Variants in CCDC3 observed in about 807,000 individuals in gnomAD.
CCDC3 encodes the protein coiled-coil domain-containing protein 3.
In CCDC3, 24 loss-of-function variants were observed where a neutral mutation model predicts 21.4. The ratio of observed to expected loss-of-function variants is 1.12; its 90% confidence interval spans 0.81 to 1.58. CCDC3 has a LOEUF of 1.58. CCDC3 is among the 40% of genes most tolerant of loss of function. The probability of loss-of-function intolerance (pLI) is 0.00; values close to 1 mark genes in which losing one functional copy is unlikely to be tolerated. For synonymous variants in CCDC3, 186 were observed against 166.0 expected (o/e 1.12, Z -0.93); for missense variants, 425 against 360.9 (o/e 1.18, Z -1.44).
intron 3 of CCDC3, among the ~76,000 whole-genome samples, chr10:13,081,840 G>A (rs901119975): frequency 1.1e-4 from 17 of 152,248 alleles, no homozygotes; most frequent in African/African-American, 4.1e-4. Flanking sequence ...ACGCTTGTGT[G>A]CGTGGTAGGC....
chr10:12,986,004 T>C (rs1036626015), intron 2 of CCDC3, among the ~76,000 whole-genome samples: 31 of 152,286 alleles, frequency 2.0e-4, no homozygotes, highest in Middle Eastern at 3.4e-3. Flanking sequence ...GTCTCCTGAG[T>C]AGCTGGGACT....
At chr10:12,921,847 A>G (rs74981563) in intron 2 of CCDC3, among the ~76,000 whole-genome samples, 8,009 of 152,130 alleles carry the variant, frequency 0.053, 235 homozygotes, top group Non-Finnish European at 0.071. Context: ...GGCTCAAGTG[A>G]TCCTCCTGCC....
chr10:12,977,890 C>A (rs985741187), intron 2 of CCDC3, among the ~76,000 whole-genome samples: 4 of 152,186 alleles, frequency 2.6e-5, no homozygotes, highest in Admixed American at 2.0e-4. Context: ...GTTGAATCTT[C>A]CTCCAGAACA....
intron 2 of CCDC3, among the ~76,000 whole-genome samples, chr10:12,953,332 C>T (rs1485186424): frequency 2.0e-5 from 3 of 152,326 alleles, no homozygotes; most frequent in South Asian, 2.1e-4. Flanking sequence ...TCTCACAACA[C>T]ACGGGAATTC....
At chr10:13,075,610 G>C (rs930483064) in intron 3 of CCDC3, among the ~76,000 whole-genome samples, 1 of 152,160 alleles carries the variant, frequency 6.6e-6, no homozygotes, top group Non-Finnish European at 1.5e-5. Flanking sequence ...GTGGGGAGGG[G>C]AGACAAGAAG....
chr10:12,961,415 T>C (rs1463166942), intron 2 of CCDC3, among the ~76,000 whole-genome samples: 1 of 152,106 alleles, frequency 6.6e-6, no homozygotes, highest in African/African-American at 2.4e-5. Context: ...CAAATAATAA[T>C]GGGATCCAAA....
intron 5 of CCDC3, among the ~76,000 whole-genome samples, chr10:13,028,974 T>C (rs1441261385): frequency 6.6e-6 from 1 of 152,160 alleles, no homozygotes; most frequent in Non-Finnish European, 1.5e-5. Context: ...AGCAGATGCT[T>C]ATTTGATCAG....
In CCDC3 at chr10:13,008,973, G is replaced by GA. The variant is rs561159119; in HGVS notation, c.-1-10462dup. On this transcript the variant is annotated intron_variant, in intron 5 of 6. Transcript: ENST00000378839. ...AATAAAATAAAAAGCATCCAGATTG[G>GA]AAAAAAAGATGTAAAATTCTATTTA... Among the ~76,000 whole-genome samples the GA allele has an allele frequency of 1.7e-3, 256 of 151,954 alleles. 2 individuals are homozygous for GA. The highest frequency in any genetic ancestry group is 6.0e-3 in the African/African-American group (249 of 41,472).
Position 12,972,680 on chromosome 10 carries a change from G to A in CCDC3, c.549+25658C>T, listed in dbSNP as rs150111866. Among the ~76,000 whole-genome samples the A allele has an allele frequency of 5.2e-4, 79 of 152,206 alleles. 1 individual carries two copies. The East Asian group carries it at 9.1e-3, about 18-fold the overall frequency. On this transcript the variant is annotated intron_variant, in intron 2 of 2. Coordinates refer to ENST00000378825, the MANE Select transcript of CCDC3 (RefSeq NM_031455.4). ...AAAAATTCAAAACTTAGCTCAGCGT[G>A]GTGGTGGGTACCTGTAACCCCAGCT... is the stretch of plus-strand genomic sequence containing the variant.
chr10:13,078,134 A>G (rs941213998), intron 3 of CCDC3, among the ~76,000 whole-genome samples: 4 of 152,266 alleles, frequency 2.6e-5, no homozygotes, highest in Admixed American at 1.3e-4. Flanking sequence ...AATATCCAGA[A>G]TCTACAAAGA....
At chr10:12,951,949 T>G (rs1164756351) in intron 2 of CCDC3, among the ~76,000 whole-genome samples, 1 of 152,158 alleles carries the variant, frequency 6.6e-6, no homozygotes, top group Non-Finnish European at 1.5e-5. Context: ...TGCATTCACC[T>G]TCCAAGAAAC....
At position 13,001,601 on chromosome 10, in the gene CCDC3, G is replaced by A; in HGVS notation, c.-31C>T. 1 of 1,152,186 alleles carries A rather than the reference G, an allele frequency of 8.7e-7. No individual in the cohort carries two copies. The allele number at this position is 1,152,186 out of a possible 1,614,324, so 71.4% of individuals were successfully genotyped here. ...GCCCTCCCGGGGCGCACGGGGCGGC[G>A]GCGGGGAGCCCGGGGAGCCCGCCGG... On this transcript the variant is annotated 5_prime_UTR_variant, in exon 1 of 3. Coordinates refer to ENST00000378825, the MANE Select transcript of CCDC3 (RefSeq NM_031455.4).
At chr10:12,974,402 G>T (rs545391060) in intron 2 of CCDC3, among the ~76,000 whole-genome samples, 11 of 152,352 alleles carry the variant, frequency 7.2e-5, no homozygotes, top group African/African-American at 2.6e-4. Context: ...GTCCTGTTTT[G>T]CTCCCACCCT....
At chr10:12,932,019 T>G (rs1834654288) in intron 2 of CCDC3, among the ~76,000 whole-genome samples, 1 of 152,216 alleles carries the variant, frequency 6.6e-6, no homozygotes, top group African/African-American at 2.4e-5. Flanking sequence ...CAACCTCCCC[T>G]CCTATGGATG....
intron 5 of CCDC3, among the ~76,000 whole-genome samples, chr10:13,042,101 T>C (rs1416625059): frequency 6.6e-6 from 1 of 152,194 alleles, no homozygotes; most frequent in African/African-American, 2.4e-5. Context: ...AACATAGAGT[T>C]TGAAGACCAA....
At chr10:12,993,546 C>T (rs1436983297) in intron 2 of CCDC3, among the ~76,000 whole-genome samples, 1 of 152,164 alleles carries the variant, frequency 6.6e-6, no homozygotes, top group East Asian at 1.9e-4. Context: ...TCCTAGGGGA[C>T]AGTAACGGCA....
chr10:13,091,486 C>G (rs980083674), intron 3 of CCDC3, among the ~76,000 whole-genome samples: 19 of 152,180 alleles, frequency 1.2e-4, no homozygotes, highest in African/African-American at 4.6e-4. Flanking sequence ...TCTTGGACTT[C>G]CCAGCCTCCA....
intron 3 of CCDC3, among the ~76,000 whole-genome samples, chr10:13,077,768 C>T (rs1335954037): frequency 2.0e-5 from 3 of 152,218 alleles, no homozygotes; most frequent in African/African-American, 4.8e-5. Context: ...AAAGGATTCC[C>T]TATTTAATAA....
intron 5 of CCDC3, among the ~76,000 whole-genome samples, chr10:13,022,686 AT>A (rs1345646967): frequency 6.6e-6 from 1 of 152,220 alleles, no homozygotes; most frequent in Admixed American, 6.5e-5. Flanking sequence ...CAAAATCATG[AT>A]GTGAAACTGT....
Sources: allele counts gnomAD v4.1 joint callset (sites outside exome capture counted in the v4.1 genomes callset), GRCh38; gene constraint gnomAD v4.1.1; transcripts MANE v1.5; gene names NCBI Gene and HGNC (gene_info 2026-07-23, HGNC 2026-07-21).